Variants in RBFOX1 observed in about 807,000 individuals in gnomAD.
RBFOX1 encodes the protein RNA binding fox-1 homolog 1.
In RBFOX1, 8 loss-of-function variants were observed where a neutral mutation model predicts 57.7. The observed-to-expected ratio is 0.14, with a 90% CI of 0.08 to 0.25. The LOEUF (loss-of-function observed/expected upper bound fraction) is 0.25, where lower values mean the gene tolerates loss of function less well. RBFOX1 is among the 10% of genes least tolerant of loss of function. The pLI, the probability that RBFOX1 is intolerant of heterozygous loss-of-function variation, is 1.00. For missense variants in RBFOX1, 611 were observed against 548.5 expected (o/e 1.11, Z -1.14); for synonymous variants, 326 against 222.4 (o/e 1.47, Z -4.15).
intron 2 of RBFOX1, among the ~76,000 whole-genome samples, chr16:6,391,353 C>CA (rs1445951582): frequency 1.3e-5 from 2 of 151,614 alleles, no homozygotes; most frequent in Admixed American, 6.6e-5. Context: ...ACTAAAAATA[C>CA]AAAAAAATTA....
intron 3 of RBFOX1, among the ~76,000 whole-genome samples, chr16:6,703,149 A>T (rs2154143743): frequency 6.6e-6 from 1 of 152,206 alleles, no homozygotes; most frequent in African/African-American, 2.4e-5. Flanking sequence ...TTGTTTTGTT[A>T]TATCATGTTT....
intron 3 of RBFOX1, among the ~76,000 whole-genome samples, chr16:6,836,584 A>G (rs912505815): frequency 2.0e-5 from 3 of 152,146 alleles, no homozygotes; most frequent in Non-Finnish European, 2.9e-5. Context: ...AAATCAAATC[A>G]TCTTTCAAGA....
At position 6,461,063 on chromosome 16, in the gene RBFOX1, T is replaced by A. The variant is rs990333954; in HGVS notation, c.-64+144006T>A. ...GTGGGAGCTGAACAATGAGAACAGA[T>A]AGACACAGAGAGGGGAACAACACTC... is the stretch of plus-strand genomic sequence containing the variant. On this transcript the variant is annotated intron_variant, in intron 2 of 15. Transcript: ENST00000550418. Among the ~76,000 whole-genome samples the A allele has an allele frequency of 1.1e-3, 160 of 152,034 alleles. 2 individuals are homozygous for A. The highest frequency in any genetic ancestry group is 2.2e-4 in the Non-Finnish European group (15 of 67,994).
chr16:7,082,306 C>T (rs1043232206), intron 4 of RBFOX1, among the ~76,000 whole-genome samples: 13 of 152,044 alleles, frequency 8.6e-5, no homozygotes, highest in Non-Finnish European at 1.5e-4. Flanking sequence ...CCAGGCTGGG[C>T]GTGGTCGTTT....
At chr16:6,852,814 C>G (rs72768834) in intron 3 of RBFOX1, among the ~76,000 whole-genome samples, 33,501 of 151,156 alleles carry the variant, frequency 0.22, 4,302 homozygotes, top group Admixed American at 0.36. Context: ...AGGTGAGATG[C>G]ATACTGGAAA....
chr16:5,245,653 A>G (rs1323876235), intron 1 of RBFOX1, among the ~76,000 whole-genome samples: 2 of 152,154 alleles, frequency 1.3e-5, no homozygotes, highest in African/African-American at 2.4e-5. Context: ...GCTAGTCTCA[A>G]ACTCCTGACC....
intron 3 of RBFOX1, among the ~76,000 whole-genome samples, chr16:5,708,529 G>T (rs926718028): frequency 5.3e-5 from 8 of 152,220 alleles, no homozygotes; most frequent in Non-Finnish European, 1.2e-4. Flanking sequence ...TTGATTTTTT[G>T]CGTATGTCAT....
At chr16:6,938,706 C>T (rs745541416) in intron 3 of RBFOX1, among the ~76,000 whole-genome samples, 8 of 152,000 alleles carry the variant, frequency 5.3e-5, no homozygotes, top group Non-Finnish European at 1.0e-4. Context: ...AGGCTGGTCT[C>T]GAATCACTTG....
At chr16:5,907,891 C>T (rs1327536107) in intron 4 of RBFOX1, among the ~76,000 whole-genome samples, 2 of 151,868 alleles carry the variant, frequency 1.3e-5, no homozygotes, top group African/African-American at 2.4e-5. Context: ...GCTAGGATTA[C>T]AGGCATGCAC....
chr16:6,204,612 G>A (rs370717024), intron 1 of RBFOX1, among the ~76,000 whole-genome samples: 3 of 152,166 alleles, frequency 2.0e-5, no homozygotes, highest in African/African-American at 7.2e-5. Context: ...GAAAGCAGGT[G>A]ACATTAGAGA....
At chr16:5,745,932 C>G (rs912938789) in intron 3 of RBFOX1, among the ~76,000 whole-genome samples, 2 of 152,120 alleles carry the variant, frequency 1.3e-5, no homozygotes, top group Non-Finnish European at 2.9e-5. Context: ...TGCAGAAGCT[C>G]TTTAGTTTAA....
At chr16:6,490,968 A>G (rs1437842178) in intron 2 of RBFOX1, among the ~76,000 whole-genome samples, 1 of 152,158 alleles carries the variant, frequency 6.6e-6, no homozygotes, top group East Asian at 1.9e-4. Context: ...GGTTCAGGAA[A>G]TGGTTTAAAA....
intron 2 of RBFOX1, among the ~76,000 whole-genome samples, chr16:6,461,295 A>G (rs2094913028): frequency 6.6e-6 from 1 of 152,212 alleles, no homozygotes; most frequent in African/African-American, 2.4e-5. Flanking sequence ...AACACTGGTC[A>G]TAGTGGATTA....
At chr16:5,443,691 A>G (rs888697953) in intron 1 of RBFOX1, among the ~76,000 whole-genome samples, 3 of 152,140 alleles carry the variant, frequency 2.0e-5, no homozygotes, top group African/African-American at 7.2e-5. Flanking sequence ...TATAATAGCT[A>G]ATATTTACTG....
chr16:5,947,554 C>T lies in RBFOX1; in HGVS notation c.351+80219C>T, dbSNP rs551913089. Among the ~76,000 whole-genome samples, 3 of 152,208 alleles carry T rather than the reference C, an allele frequency of 2.0e-5. No individual in the cohort carries two copies. The highest frequency in any genetic ancestry group is 2.1e-4 in the South Asian group (1 of 4,824). ...CCTAGGCTGGTGTCAGACTCCTAGC[C>T]CCAAGCAATTCTCACATATCAGCCT... On this transcript the variant is annotated intron_variant, in intron 4 of 19. Transcript: ENST00000641259. This position sits in a 1 kb window ranked among gnomAD's most constrained non-coding sequence, Gnocchi z 7.2.
chr16:5,675,710 A>G (rs867099010), intron 3 of RBFOX1, among the ~76,000 whole-genome samples: 6 of 152,148 alleles, frequency 3.9e-5, no homozygotes, highest in Admixed American at 6.5e-5. Flanking sequence ...CCCATCTGTC[A>G]GGGAGGGATA....
At chr16:6,777,411 C>T (rs1471402621) in intron 3 of RBFOX1, among the ~76,000 whole-genome samples, 1 of 152,106 alleles carries the variant, frequency 6.6e-6, no homozygotes, top group Non-Finnish European at 1.5e-5. Context: ...GGGAATGGAA[C>T]AGGGACAAAG....
chr16:7,082,561 C>G (rs867313632), intron 4 of RBFOX1, among the ~76,000 whole-genome samples: 18 of 125,094 alleles, frequency 1.4e-4, no homozygotes, highest in African/African-American at 5.3e-4. Flanking sequence ...GACCATGTCT[C>G]AAAAAAAAAA....
At chr16:7,293,606 G>A (rs74802837) in intron 4 of RBFOX1, among the ~76,000 whole-genome samples, 3,500 of 152,218 alleles carry the variant, frequency 0.023, 102 homozygotes, top group East Asian at 0.13. Flanking sequence ...ATGAGGTTGT[G>A]AGAACATGAG....
Sources: allele counts gnomAD v4.1 joint callset (sites outside exome capture counted in the v4.1 genomes callset), GRCh38; gene constraint gnomAD v4.1.1; non-coding constraint Gnocchi (gnomAD v3.1); transcripts MANE v1.5; gene names NCBI Gene and HGNC (gene_info 2026-07-23, HGNC 2026-07-21).